The following ACOX3 variants were observed in gnomAD, a reference collection of about 807,000 sequenced individuals.
ACOX3 encodes the protein acyl-CoA oxidase 3, pristanoyl.
A neutral mutation model predicts 81.5 loss-of-function variants in ACOX3; 73 were observed. The observed-to-expected ratio is 0.90, with a 90% CI of 0.74 to 1.09. The LOEUF (loss-of-function observed/expected upper bound fraction) is 1.09, where lower values mean the gene tolerates loss of function less well. Among genes scored for constraint, ACOX3 ranks in the 50% least tolerant of loss-of-function variants. The pLI is 0.00. For synonymous variants in ACOX3, 387 were observed against 375.1 expected, an observed-to-expected ratio of 1.03 and a Z score of -0.37; for missense variants, 947 against 928.0, an observed-to-expected ratio of 1.02 and a Z score of -0.27.
At chr4:8,425,469 C>T (rs2109022322) in intron 1 of ACOX3, among the ~76,000 whole-genome samples, 1 of 151,760 alleles carries the variant, frequency 6.6e-6, no homozygotes, top group Non-Finnish European at 1.5e-5. Flanking sequence ...AGACCTTTCA[C>T]TTAGGCATTG....
intron 6 of ACOX3, among the ~76,000 whole-genome samples, chr4:8,409,019 A>C (rs930221052): frequency 6.6e-6 from 1 of 151,796 alleles, no homozygotes; most frequent in African/African-American, 2.4e-5. Context: ...GGTGGGGAGA[A>C]ACCCACACAC....
intron 17 of ACOX3, among the ~76,000 whole-genome samples, chr4:8,367,875 C>G (rs757174648): frequency 1.5e-5 from 2 of 137,420 alleles, no homozygotes; most frequent in Non-Finnish European, 3.1e-5. Context: ...ACCTGTAGTT[C>G]TAGCTACTTG....
At position 8,372,068 on chromosome 4, in the gene ACOX3, C is replaced by T. The variant is rs376899231; in HGVS notation, c.1897-1074G>A. ...AGAGTGGCACACAACGGTCATCCAG[C>T]CTTGGCCATAGCCTCACTGGGAAAT... On this transcript the variant is annotated intron_variant, in intron 16 of 17. Transcript: ENST00000356406. Among the ~76,000 whole-genome samples the T allele has an allele frequency of 2.0e-5, 3 of 152,180 alleles. No individual in the cohort carries two copies. The East Asian group carries it at 5.8e-4, about 29-fold the overall frequency.
chr4:8,375,598 G>A (rs1034916808), intron 14 of ACOX3, among the ~76,000 whole-genome samples: 2 of 152,190 alleles, frequency 1.3e-5, no homozygotes, highest in Non-Finnish European at 2.9e-5. Context: ...CCTGAGCTCA[G>A]AATTGACTTC....
At chr4:8,418,135 CAGAAG>C (rs923848067) in intron 1 of ACOX3, among the ~76,000 whole-genome samples, 4 of 152,190 alleles carry the variant, frequency 2.6e-5, no homozygotes, top group Non-Finnish European at 4.4e-5. Context: ...TTCCCAAAAA[CAGAAG>C]AGAAGATAAT....
Position 8,432,727 on chromosome 4 carries a change from C to T in ACOX3, c.-15+7921G>A, listed in dbSNP as rs1040976595. Among the ~76,000 whole-genome samples the T allele has an allele frequency of 2.6e-5, 4 of 152,152 alleles. No individual in the cohort carries two copies. Among genetic ancestry groups the T allele is most frequent in the South Asian group, 2.1e-4 (1 of 4,826 alleles). ...GGCGCTCAGAGCAGCCAGGGACTTC[C>T]GGTTGGAGCCTCCACTGCTGCTTCT... On this transcript the variant is annotated intron_variant, in intron 1 of 17. Coordinates refer to ENST00000356406, the MANE Select transcript of ACOX3 (RefSeq NM_003501.3). The surrounding 1 kb of genome is among the most constrained non-coding windows in gnomAD (Gnocchi z 6.2).
chr4:8,370,221 G>T lies in ACOX3; in HGVS notation c.1983+687C>A, dbSNP rs531338228. On this transcript the variant is annotated intron_variant, in intron 17 of 17. Coordinates refer to ENST00000356406, the MANE Select transcript of ACOX3 (RefSeq NM_003501.3). The surrounding 1 kb of genome is among the most constrained non-coding windows in gnomAD (Gnocchi z 6.3). ...ATGGGCCTGGCGCGACAGACGGGGAGGCCAGTAAGGCTAGATCTGGTGGGC... is the reference window on the plus strand; with the variant it reads ...ATGGGCCTGGCGCGACAGACGGGGATGCCAGTAAGGCTAGATCTGGTGGGC... Among the ~76,000 whole-genome samples, 1 of 152,218 alleles carries T rather than the reference G, an allele frequency of 6.6e-6. No individual in the cohort carries two copies. The highest frequency in any genetic ancestry group is 2.4e-5 in the African/African-American group (1 of 41,454).
rs534063702 is a variant in ACOX3, at chr4:8,373,691, C to A, written c.1829-63G>T. On this transcript the variant is annotated intron_variant, in intron 15 of 17. Coordinates refer to ENST00000356406, the MANE Select transcript of ACOX3 (RefSeq NM_003501.3). Reference sequence around the variant, plus strand: ...AGTCCAAAACCACCCCCAATACCAACATGCCCTGAGTGCACTTTCCAAATC... The same window carrying A: ...AGTCCAAAACCACCCCCAATACCAAAATGCCCTGAGTGCACTTTCCAAATC... The A allele has an allele frequency of 2.7e-6, 4 of 1,507,338 alleles. No homozygotes were observed. The African/African-American group carries it at 5.5e-5, about 21-fold the overall frequency. 93.4% of individuals were successfully genotyped at this position (1,507,338 alleles called of 1,614,324 possible).
At chr4:8,375,497 G>A (rs1487044781) in intron 14 of ACOX3, among the ~76,000 whole-genome samples, 3 of 152,180 alleles carry the variant, frequency 2.0e-5, no homozygotes, top group Admixed American at 6.5e-5. Context: ...CAGAGTGGGC[G>A]CCCACCAGGA....
At chr4:8,398,945 G>A (rs955840195) in intron 8 of ACOX3, among the ~76,000 whole-genome samples, 3 of 152,176 alleles carry the variant, frequency 2.0e-5, no homozygotes, top group African/African-American at 7.2e-5. Flanking sequence ...GTCTCGTGTT[G>A]CTGTTCCCAC....
chr4:8,359,406 G>A, the ACOX3 span, among the ~76,000 whole-genome samples: 153 of 152,256 alleles, frequency 1.0e-3, 1 homozygote, highest in Middle Eastern at 6.8e-3. The surrounding 1 kb of genome is among the most constrained non-coding windows in gnomAD (Gnocchi z 6.0). Flanking sequence ...TTGGGTTAGA[G>A]GCCCAACTCA....
intron 17 of ACOX3, among the ~76,000 whole-genome samples, chr4:8,369,520 C>G (rs62285997): frequency 0.16 from 24,059 of 152,130 alleles, 2,587 homozygotes; most frequent in Non-Finnish European, 0.23. Context: ...GTCCCCGATG[C>G]AGGACAGCAG....
intron 17 of ACOX3, among the ~76,000 whole-genome samples, chr4:8,367,870 T>C (rs1415993810): frequency 2.1e-5 from 3 of 144,810 alleles, no homozygotes; most frequent in African/African-American, 7.7e-5. Flanking sequence ...AGTTCACCTG[T>C]AGTTCTAGCT....
chr4:8,418,144 A>C, intron 1 of ACOX3, among the ~76,000 whole-genome samples: 1 of 152,236 alleles, frequency 6.6e-6, no homozygotes, highest in East Asian at 1.9e-4. Flanking sequence ...ACAGAAGAGA[A>C]GATAATACTT....
intron 1 of ACOX3, among the ~76,000 whole-genome samples, chr4:8,424,786 C>G (rs1380292526): frequency 6.6e-6 from 1 of 152,210 alleles, no homozygotes; most frequent in Non-Finnish European, 1.5e-5. Context: ...CTACGCCGCT[C>G]GAGGGGACCT....
At position 8,377,894 on chromosome 4, in the gene ACOX3, G is replaced by C. The variant is rs377135457; in HGVS notation, c.1654-2742C>G. On this transcript the variant is annotated intron_variant, in intron 14 of 17. Transcript: ENST00000356406. ...CGGTTAGGGCTGGCGCACTCCAGCC[G>C]AGAGTGCTCACGGCACCCAGACACA... is the stretch of plus-strand genomic sequence containing the variant. 1.1e-4 allele frequency among the ~76,000 whole-genome samples: 16 copies of C among 152,292 alleles called. No individual in the cohort carries two copies. In the East Asian group the frequency reaches 2.9e-3, roughly 28 times the overall value.
chr4:8,414,358 G>A lies in ACOX3; in HGVS notation c.477C>T (p.Thr159=), dbSNP rs199858486. 50 of 1,614,056 alleles carry A rather than the reference G, an allele frequency of 3.1e-5. No individual in the cohort carries two copies. In the East Asian group the frequency reaches 6.5e-4, roughly 21 times the overall value. The change falls in exon 5 of 18, where the codon ACC becomes ACT. Residue 159 remains threonine (T), a synonymous_variant. Transcript: ENST00000356406. The surrounding 1 kb of genome is among the most constrained non-coding windows in gnomAD (Gnocchi z 6.1). ...RMEIFGCFAL[T]ELSHGSNTKA... is the part of the protein sequence containing the mutation. ...TGGTATTACTGCCGTGGCTTAATTC[G>A]GTCAGAGCAAAACATCCAAAAATCT...
At position 8,397,005 on chromosome 4, in the gene ACOX3, A is replaced by T; in HGVS notation, c.988T>A (p.Ser330Thr). The stretch of plus-strand genomic sequence containing the variant: ...GGTCCAAACTGACGCCGAGTGGCTG[A>T]GAAGCGAAGAGCGATGGCCACGGCC... ...KLAVAIALRF[S>T]ATRRQFGPTE... is the part of the protein sequence containing the mutation. The change falls in exon 9 of 18, where the codon TCA (serine) becomes ACA (threonine). Residue 330 changes from serine to threonine, a missense_variant. Physicochemically the swap from Ser to Thr is moderately conservative, Grantham distance 58. Transcript: ENST00000356406. The T allele has an allele frequency of 6.2e-7, 1 of 1,612,284 alleles. No individual in the cohort carries two copies. Among genetic ancestry groups the T allele is most frequent in the Non-Finnish European group, 8.5e-7 (1 of 1,179,300 alleles).
At chr4:8,410,118 C>A (rs906964694) in intron 6 of ACOX3, 94 bp downstream of exon 6, 1 of 1,465,968 alleles carries the variant, frequency 6.8e-7, no homozygotes, top group Admixed American at 2.2e-5. Flanking sequence ...CAGAAGCATG[C>A]CCCACCCTTG....
Sources: allele counts gnomAD v4.1 joint callset (sites outside exome capture counted in the v4.1 genomes callset), GRCh38; gene constraint gnomAD v4.1.1; non-coding constraint Gnocchi (gnomAD v3.1); transcripts MANE v1.5; gene names NCBI Gene and HGNC (gene_info 2026-07-23, HGNC 2026-07-21).